TTBK2: variants seen among roughly 807,000 people sequenced by gnomAD.
The protein encoded by TTBK2 is tau-tubulin kinase 2.
A neutral mutation model predicts 110.8 loss-of-function variants in TTBK2; 28 were observed. That is an observed-to-expected ratio of 0.25 (90% CI 0.19 to 0.35). The LOEUF is 0.35. TTBK2 is among the 10% of genes least tolerant of loss of function. The pLI is 1.00. For missense variants in TTBK2, 1,369 were observed against 1,500.3 expected (o/e 0.91, Z 1.45); for synonymous variants, 532 against 527.3 (o/e 1.01, Z -0.12).
chr15:42,822,525 A>G (rs1282534204), intron 6 of TTBK2, among the ~76,000 whole-genome samples: 1 of 152,218 alleles, frequency 6.6e-6, no homozygotes, highest in African/African-American at 2.4e-5. Context: ...CATAGTGAAC[A>G]ATGCAAAGAG....
At chr15:42,827,900 T>A in intron 6 of TTBK2, 28 bp downstream of exon 6, 1 of 1,561,654 alleles carries the variant, frequency 6.4e-7, no homozygotes. Flanking sequence ...AATTATCAAA[T>A]ATTTGATAAT....
intron 9 of TTBK2, 116 bp downstream of exon 9, chr15:42,810,498 C>G: frequency 1.6e-6 from 2 of 1,274,118 alleles, no homozygotes; most frequent in South Asian, 2.5e-5. Context: ...TGTATTAAAA[C>G]AGTCGTATTC....
rs1015356586 is a variant in TTBK2 at position 42,777,098 on chromosome 15, T to C, written c.1342A>G (p.Ser448Gly). The change falls in exon 12 of 15, where the codon AGC (serine) becomes GGC (glycine). Residue 448 changes from serine to glycine, a missense_variant. Ser to Gly is a moderately conservative substitution (Grantham distance 56). Transcript: ENST00000267890. ...PLVRKLRSIH[S>G]FELEKRLTLE... ...GTCAGACGTTTTTCCAGCTCAAAGC[T>C]GTGAATGGAACGTAACTTTCGCACC... The C allele has an allele frequency of 3.7e-6, 6 of 1,614,096 alleles. No individual in the cohort carries two copies. Among genetic ancestry groups the C allele is most frequent in the Non-Finnish European group, 5.1e-6 (6 of 1,180,046 alleles).
chr15:42,853,063 T>G (rs1209116449), intron 3 of TTBK2, among the ~76,000 whole-genome samples: 1 of 152,180 alleles, frequency 6.6e-6, no homozygotes, highest in Non-Finnish European at 1.5e-5. Context: ...TCTATTCTTA[T>G]GACTGGGAAA....
intron 1 of TTBK2, among the ~76,000 whole-genome samples, chr15:42,918,798 T>G (rs2031221199): frequency 6.6e-6 from 1 of 152,114 alleles, no homozygotes; most frequent in Non-Finnish European, 1.5e-5. Flanking sequence ...AATCAACACT[T>G]AAAATCAAAA....
At chr15:42,802,420 G>T in intron 9 of TTBK2, 1 of 731,158 alleles carries the variant, frequency 1.4e-6, no homozygotes, top group South Asian at 1.4e-5. Flanking sequence ...GGAGGCAGGC[G>T]GGCCGAACCA....
Position 42,872,753 on chromosome 15 carries a change from T to A in TTBK2, c.75A>T (p.Arg25Ser). The change falls in exon 3 of 15, where the codon AGA (arginine) becomes AGT (serine). Residue 25 changes from arginine (R) to serine (S), a missense_variant. Transcript: ENST00000267890. Reference sequence around the variant, plus strand: ...CTCCAAAGCCCCCACCCCCAATCTTTCTCAACTGCACAGAAAATAAGAACA... The same window carrying A: ...CTCCAAAGCCCCCACCCCCAATCTTACTCAACTGCACAGAAAATAAGAACA... ...ILVKERWKVL[R>S]KIGGGGFGEI... 6.2e-7 allele frequency: 1 copy of A among 1,613,918 alleles called. No homozygotes were observed. Among genetic ancestry groups the A allele is most frequent in the Non-Finnish European group, 8.5e-7 (1 of 1,179,940 alleles).
chr15:42,800,977 C>T (rs749247424), intron 9 of TTBK2: 24 of 756,018 alleles, frequency 3.2e-5, no homozygotes, highest in Admixed American at 1.0e-4. Context: ...TTGGGCAGGA[C>T]GTTGGAGGAC....
At chr15:42,847,522 C>G (rs1324533346) in intron 3 of TTBK2, among the ~76,000 whole-genome samples, 1 of 152,188 alleles carries the variant, frequency 6.6e-6, no homozygotes, top group African/African-American at 2.4e-5. Flanking sequence ...AAGATCTTCT[C>G]CATGTTTTCT....
intron 3 of TTBK2, among the ~76,000 whole-genome samples, chr15:42,855,924 T>C (rs1326431820): frequency 2.0e-5 from 3 of 152,168 alleles, no homozygotes; most frequent in Non-Finnish European, 4.4e-5. Context: ...CCTTGTGATC[T>C]GCCCACCTCA....
At chr15:42,849,510 G>A (rs1354048823) in intron 3 of TTBK2, among the ~76,000 whole-genome samples, 1 of 152,000 alleles carries the variant, frequency 6.6e-6, no homozygotes, top group Non-Finnish European at 1.5e-5. Flanking sequence ...TCTAAGCTGA[G>A]TGATTCTAGG....
chr15:42,878,765 A>C, intron 1 of TTBK2, 81 bp from the exon 2 acceptor site: 1 of 1,493,922 alleles, frequency 6.7e-7, no homozygotes, highest in East Asian at 2.5e-5. Flanking sequence ...ATCAGGAAGC[A>C]CTACTAATAC....
At chr15:42,763,932 GTT>G (rs955229690) in intron 13 of TTBK2, among the ~76,000 whole-genome samples, 2 of 152,282 alleles carry the variant, frequency 1.3e-5, no homozygotes, top group Admixed American at 6.5e-5. Context: ...CTTTAAAGGG[GTT>G]TCCAATTATA....
At chr15:42,891,271 G>T (rs1895445591) in intron 1 of TTBK2, among the ~76,000 whole-genome samples, 1 of 151,136 alleles carries the variant, frequency 6.6e-6, no homozygotes, top group Non-Finnish European at 1.5e-5. Flanking sequence ...CAAACTCCTG[G>T]GCTCAAGCAG....
intron 9 of TTBK2, among the ~76,000 whole-genome samples, chr15:42,799,026 C>T (rs1175810195): frequency 6.6e-6 from 1 of 152,176 alleles, no homozygotes; most frequent in African/African-American, 2.4e-5. Context: ...TTCGGATTTT[C>T]GATTTGGGTT....
chr15:42,903,298 C>T (rs1297584544), intron 1 of TTBK2, among the ~76,000 whole-genome samples: 10 of 152,080 alleles, frequency 6.6e-5, no homozygotes, highest in Middle Eastern at 3.4e-3. Flanking sequence ...TAGTGTTTAA[C>T]GGGTATGGAG....
rs140189140 is a variant in TTBK2, at chr15:42,816,929, C to CAT, written c.603+101_603+102dup. 0.013 allele frequency: 5,577 copies of CAT among 427,814 alleles called. 23 individuals carry two copies. Among genetic ancestry groups the CAT allele is most frequent in the South Asian group, 0.051 (705 of 13,812 alleles). The allele number at this position is 427,814 out of a possible 1,614,324, so 26.5% of individuals were successfully genotyped here. ...GCAAGACTCTGTCTCAACAAATATACATATATATATATATATAAAATAATA... is the reference window on the plus strand; with the variant it reads ...GCAAGACTCTGTCTCAACAAATATACATATATATATATATATATAAAATAATA... On this transcript the variant is annotated intron_variant, in intron 7 of 14. Transcript: ENST00000267890.
chr15:42,856,979 T>G (rs1366561954), intron 3 of TTBK2, among the ~76,000 whole-genome samples: 1 of 151,814 alleles, frequency 6.6e-6, no homozygotes, highest in Admixed American at 6.6e-5. Context: ...GAGAATCTCT[T>G]GAACCTTGGA....
At chr15:42,780,189 C>CT (rs892670301) in intron 11 of TTBK2, among the ~76,000 whole-genome samples, 1,578 of 100,754 alleles carry the variant, frequency 0.016, 12 homozygotes, top group Non-Finnish European at 0.02. Context: ...GCCCGGCTAA[C>CT]TTTTTTTTTT....
Sources: allele counts gnomAD v4.1 joint callset (sites outside exome capture counted in the v4.1 genomes callset), GRCh38; gene constraint gnomAD v4.1.1; transcripts MANE v1.5; gene names NCBI Gene and HGNC (gene_info 2026-07-23, HGNC 2026-07-21).